RPS6KA2: variants seen among roughly 807,000 people sequenced by gnomAD.
RPS6KA2 encodes ribosomal protein S6 kinase alpha-2.
Under a neutral mutation model 91.8 loss-of-function variants are expected in RPS6KA2, and 42 were observed. That is an observed-to-expected ratio of 0.46 (90% CI 0.36 to 0.59). RPS6KA2 has a LOEUF of 0.59. Among genes scored for constraint, RPS6KA2 ranks in the 20% least tolerant of loss-of-function variants. The pLI, the probability that RPS6KA2 is intolerant of heterozygous loss-of-function variation, is 0.00. For synonymous variants in RPS6KA2, 414 were observed against 393.6 expected, an observed-to-expected ratio of 1.05 and a Z score of -0.61; for missense variants, 798 against 978.5, an observed-to-expected ratio of 0.82 and a Z score of 2.46.
intron 2 of RPS6KA2, among the ~76,000 whole-genome samples, chr6:166,727,879 C>A (rs956412223): frequency 5.4e-5 from 8 of 146,962 alleles, no homozygotes; most frequent in African/African-American, 2.2e-4. Flanking sequence ...GCTTCAGGAG[C>A]CGAGCACCAG....
chr6:166,590,224 G>A (rs965829628), intron 1 of RPS6KA2, among the ~76,000 whole-genome samples: 2 of 152,160 alleles, frequency 1.3e-5, no homozygotes, highest in African/African-American at 4.8e-5. Flanking sequence ...CTTAAAACTT[G>A]GACATAGTGG....
intron 2 of RPS6KA2, among the ~76,000 whole-genome samples, chr6:166,738,386 T>C (rs111264785): frequency 0.03 from 4,571 of 152,120 alleles, 207 homozygotes; most frequent in African/African-American, 0.1. Flanking sequence ...CTCGGGGGGA[T>C]GGTCCAGGGA....
intron 1 of RPS6KA2, among the ~76,000 whole-genome samples, chr6:166,579,884 A>G (rs897319981): frequency 2.6e-5 from 4 of 152,260 alleles, no homozygotes; most frequent in Non-Finnish European, 5.9e-5. Context: ...TTTTGAGAAG[A>G]AAAAAAAGAC....
rs538979689 is a variant in RPS6KA2 at position 166,503,488 on chromosome 6, G to A, written c.566+1018C>T. ...ACTGGGACGCGTTTGCAGACCCCAG[G>A]GCCCCCCCTTGGTCTTAGCTCACAG... On this transcript the variant is annotated intron_variant, in intron 6 of 20. Coordinates refer to ENST00000265678, the MANE Select transcript of RPS6KA2 (RefSeq NM_021135.6). 3.0e-3 allele frequency among the ~76,000 whole-genome samples: 457 copies of A among 152,284 alleles called. 2 individuals carry two copies. Among genetic ancestry groups the A allele is most frequent in the Non-Finnish European group, 5.6e-3 (380 of 68,020 alleles).
At chr6:166,832,271 G>C (rs1780205754) in intron 2 of RPS6KA2, among the ~76,000 whole-genome samples, 1 of 152,200 alleles carries the variant, frequency 6.6e-6, no homozygotes, top group Non-Finnish European at 1.5e-5. Flanking sequence ...AGGATAAGAG[G>C]AGTGGGATTT....
chr6:166,750,532 C>G (rs1363300043), intron 2 of RPS6KA2, among the ~76,000 whole-genome samples: 2 of 152,218 alleles, frequency 1.3e-5, no homozygotes, highest in Non-Finnish European at 2.9e-5. Flanking sequence ...CTTGCTGGCC[C>G]AGGAACTGCC....
At chr6:166,506,899 C>T (rs1249996632) in intron 5 of RPS6KA2, among the ~76,000 whole-genome samples, 1 of 152,164 alleles carries the variant, frequency 6.6e-6, no homozygotes, top group Non-Finnish European at 1.5e-5. Context: ...CCGGCACTGG[C>T]ACTGCCATGG....
At chr6:166,450,270 T>A in intron 13 of RPS6KA2, among the ~76,000 whole-genome samples, 1 of 111,032 alleles carries the variant, frequency 9.0e-6, no homozygotes, top group African/African-American at 3.6e-5. Flanking sequence ...TAGGAGACCA[T>A]CACGGGTACC....
At chr6:166,596,034 C>G (rs577260020) in intron 1 of RPS6KA2, among the ~76,000 whole-genome samples, 1 of 152,306 alleles carries the variant, frequency 6.6e-6, no homozygotes, top group Admixed American at 6.5e-5. Flanking sequence ...TATCTTATCT[C>G]ACAGAAAGGG....
chr6:166,614,206 G>A (rs976210545), intron 1 of RPS6KA2, among the ~76,000 whole-genome samples: 2 of 152,348 alleles, frequency 1.3e-5, no homozygotes, highest in Non-Finnish European at 1.5e-5. Context: ...GTATGTTTGA[G>A]ATCAGTACAT....
intron 2 of RPS6KA2, among the ~76,000 whole-genome samples, chr6:166,747,460 G>A (rs998764929): frequency 1.3e-5 from 2 of 152,186 alleles, no homozygotes; most frequent in Non-Finnish European, 2.9e-5. Context: ...TTTGCACACC[G>A]ACAATGTTCT....
intron 2 of RPS6KA2, among the ~76,000 whole-genome samples, chr6:166,688,167 G>A (rs891104504): frequency 2.0e-5 from 3 of 152,144 alleles, no homozygotes; most frequent in East Asian, 3.9e-4. Context: ...GAGCTGGCAG[G>A]GCTTCCAGGT....
intron 3 of RPS6KA2, among the ~76,000 whole-genome samples, chr6:166,523,053 A>C (rs1481219130): frequency 1.3e-5 from 2 of 152,250 alleles, no homozygotes; most frequent in African/African-American, 4.8e-5. Flanking sequence ...AAAGATGACA[A>C]GTAATGAAAA....
At chr6:166,447,063 T>G (rs903934573) in intron 14 of RPS6KA2, among the ~76,000 whole-genome samples, 12 of 152,140 alleles carry the variant, frequency 7.9e-5, no homozygotes, top group Middle Eastern at 6.3e-3. Flanking sequence ...ATCTAAGTGC[T>G]CCTTTAAAAA....
At chr6:166,562,143 C>T (rs536514590) in intron 1 of RPS6KA2, among the ~76,000 whole-genome samples, 11 of 152,166 alleles carry the variant, frequency 7.2e-5, no homozygotes, top group East Asian at 3.9e-4. Flanking sequence ...ATACAGGACA[C>T]GCAGCTTGAG....
At chr6:166,440,130 A>G (rs1235343767) in intron 14 of RPS6KA2, 3 of 152,232 alleles carry the variant, frequency 2.0e-5, no homozygotes, top group African/African-American at 7.2e-5. Context: ...GTTTTAAGCC[A>G]CTAGATGTGG....
At chr6:166,534,221 CAAAAAAAAAAAAA>C (rs34585369) in intron 2 of RPS6KA2, among the ~76,000 whole-genome samples, 2 of 59,358 alleles carry the variant, frequency 3.4e-5, no homozygotes, top group African/African-American at 6.7e-5. Flanking sequence ...GACTCTGTCT[CAAAAAAAAAAAAA>C]AAAAAAAAAA....
chr6:166,521,660 G>A (rs1440804086), intron 3 of RPS6KA2, among the ~76,000 whole-genome samples: 1 of 152,222 alleles, frequency 6.6e-6, no homozygotes. Context: ...CTAATACAGA[G>A]AGATCGCAGA....
chr6:166,798,336 C>T (rs945740241), intron 2 of RPS6KA2, among the ~76,000 whole-genome samples: 5 of 152,214 alleles, frequency 3.3e-5, no homozygotes, highest in East Asian at 1.9e-4. Context: ...GCCAATGCCA[C>T]GGCCTAAGCA....
Sources: allele counts gnomAD v4.1 joint callset (sites outside exome capture counted in the v4.1 genomes callset), GRCh38; gene constraint gnomAD v4.1.1; transcripts MANE v1.5; gene names NCBI Gene and HGNC (gene_info 2026-07-23, HGNC 2026-07-21).